ITPRID1: variants seen among roughly 807,000 people sequenced by gnomAD.
ITPRID1 encodes ITPR interacting domain containing 1, also known as protein ITPRID1.
A neutral mutation model predicts 95.4 loss-of-function variants in ITPRID1; 96 were observed. The observed-to-expected ratio is 1.01, with a 90% CI of 0.85 to 1.19. ITPRID1 has a LOEUF of 1.19. ITPRID1 is among the 50% of genes most tolerant of loss of function. The pLI is 0.00. For missense variants in ITPRID1, 1,339 were observed against 1,252.9 expected, an observed-to-expected ratio of 1.07 and a Z score of -1.04; for synonymous variants, 510 against 453.6, an observed-to-expected ratio of 1.12 and a Z score of -1.58.
At chr7:31,604,780 T>C (rs2128161470) in intron 10 of ITPRID1, among the ~76,000 whole-genome samples, 1 of 152,302 alleles carries the variant, frequency 6.6e-6, no homozygotes. Flanking sequence ...ATAGCTTATG[T>C]CAGATAGGAA....
chr7:31,606,159 T>G (rs576719456), intron 10 of ITPRID1, among the ~76,000 whole-genome samples: 1 of 152,324 alleles, frequency 6.6e-6, no homozygotes, highest in Non-Finnish European at 1.5e-5. Context: ...TAATAGATAA[T>G]AGTGTAAATT....
At chr7:31,525,055 C>T (rs559043739) in intron 1 of ITPRID1, among the ~76,000 whole-genome samples, 1 of 152,244 alleles carries the variant, frequency 6.6e-6, no homozygotes, top group South Asian at 2.1e-4. Flanking sequence ...ATTACACATA[C>T]AATCATAAAA....
intron 3 of ITPRID1, 122 bp downstream of exon 3, chr7:31,553,309 T>A (rs924871574): frequency 6.2e-5 from 55 of 881,470 alleles, no homozygotes; most frequent in Non-Finnish European, 8.6e-5. Context: ...TATACCAGTG[T>A]TCCTGGCATG....
At chr7:31,625,117 G>C (rs1057448074) in intron 10 of ITPRID1, among the ~76,000 whole-genome samples, 1 of 152,088 alleles carries the variant, frequency 6.6e-6, no homozygotes, top group African/African-American at 2.4e-5. Flanking sequence ...AAGAAGTCGG[G>C]AAACAACAGG....
chr7:31,610,938 TTAATC>T (rs1350071027), intron 10 of ITPRID1, among the ~76,000 whole-genome samples: 2 of 151,758 alleles, frequency 1.3e-5, no homozygotes, highest in African/African-American at 2.4e-5. Context: ...ATTAGAATGT[TTAATC>T]TATTTAGATT....
Position 31,643,696 on chromosome 7 carries a change from C to A in ITPRID1, c.2326C>A (p.Pro776Thr). The A allele has an allele frequency of 6.2e-7, 1 of 1,614,044 alleles. No homozygotes were observed. ...AAGCAACAAGACCTTGACACATGGG[C>A]CCCAGCCCCTCACCAAATCCGTCTC... The part of the protein sequence containing the change: ...ALSNKTLTHG[P>T]QPLTKSVSLD... Residue 776 changes from proline (P) to threonine (T), a missense_variant, in exon 12 of 15, where the codon CCC becomes ACC. By Grantham distance (38) the Pro-to-Thr change is conservative. Transcript: ENST00000615280.
chr7:31,519,627 T>TCC (rs1562543161), intron 1 of ITPRID1, among the ~76,000 whole-genome samples: 13 of 112,684 alleles, frequency 1.2e-4, no homozygotes, highest in Admixed American at 9.6e-5. Flanking sequence ...TCTCTATATA[T>TCC]ATATATATAT....
In ITPRID1 at chr7:31,616,861, C is replaced by G. The variant is rs142764155; in HGVS notation, c.1229-25315C>G. Among the ~76,000 whole-genome samples the G allele has an allele frequency of 3.2e-3, 488 of 151,550 alleles. 2 individuals carry two copies. Among genetic ancestry groups the G allele is most frequent in the South Asian group, 0.021 (101 of 4,812 alleles). ...TATCAGATATCCAAACCTCTCTTAA[C>G]AGATACCAGATACCCAAACCTCTCT... On this transcript the variant is annotated intron_variant, in intron 10 of 14. Transcript: ENST00000615280.
chr7:31,615,332 T>G (rs1787104469), intron 10 of ITPRID1, among the ~76,000 whole-genome samples: 2 of 152,152 alleles, frequency 1.3e-5, no homozygotes, highest in South Asian at 2.1e-4. Flanking sequence ...TTGGAGGCCC[T>G]CATACCTCAA....
rs1250625793 is a variant in ITPRID1 at position 31,654,519 on chromosome 7, C to T, written c.*1690C>T. Reference sequence around the variant, plus strand: ...CATGCTGGCTGCTTTATGGAGAAAACGCCCCTGGGGGTCTACAGTGAGGCA... The same window carrying T: ...CATGCTGGCTGCTTTATGGAGAAAATGCCCCTGGGGGTCTACAGTGAGGCA... On this transcript the variant is annotated 3_prime_UTR_variant, in exon 15 of 15. Transcript: ENST00000615280. 3.9e-5 allele frequency among the ~76,000 whole-genome samples: 6 copies of T among 152,252 alleles called. No homozygotes were observed. Among genetic ancestry groups the T allele is most frequent in the South Asian group, 4.1e-4 (2 of 4,826 alleles).
intron 10 of ITPRID1, among the ~76,000 whole-genome samples, chr7:31,609,274 G>A (rs1169862692): frequency 6.6e-6 from 1 of 151,322 alleles, no homozygotes; most frequent in Non-Finnish European, 1.5e-5. Flanking sequence ...GGATTTTTCT[G>A]GTAATGTCTT....
intron 2 of ITPRID1, among the ~76,000 whole-genome samples, chr7:31,552,263 C>T (rs1260037921): frequency 1.4e-5 from 2 of 138,944 alleles, no homozygotes; most frequent in Admixed American, 7.3e-5. Flanking sequence ...ATAGCATAGT[C>T]ATGGGAACAT....
chr7:31,628,612 C>T (rs200450406), intron 10 of ITPRID1, among the ~76,000 whole-genome samples: 2 of 152,082 alleles, frequency 1.3e-5, no homozygotes, highest in African/African-American at 4.8e-5. Context: ...CGCCCGCCAC[C>T]ACGCCCCGCT....
At chr7:31,626,074 C>T (rs1209751264) in intron 10 of ITPRID1, among the ~76,000 whole-genome samples, 1 of 152,066 alleles carries the variant, frequency 6.6e-6, no homozygotes, top group African/African-American at 2.4e-5. Context: ...AATCAAAGAA[C>T]AGACAGAAGT....
At chr7:31,618,301 G>T (rs1198272401) in intron 10 of ITPRID1, among the ~76,000 whole-genome samples, 1 of 151,992 alleles carries the variant, frequency 6.6e-6, no homozygotes, top group African/African-American at 2.4e-5. Context: ...AAGTAATTAG[G>T]ACTGTTCATG....
intron 1 of ITPRID1, among the ~76,000 whole-genome samples, chr7:31,548,969 C>G (rs564932339): frequency 2.2e-4 from 34 of 152,156 alleles, no homozygotes; most frequent in African/African-American, 8.2e-4. Flanking sequence ...GGGAACAAGG[C>G]AAGCCTGGAC....
At chr7:31,558,619 T>C (rs941517623) in intron 5 of ITPRID1, among the ~76,000 whole-genome samples, 9 of 152,206 alleles carry the variant, frequency 5.9e-5, no homozygotes, top group South Asian at 2.1e-4. Context: ...TTAGTAATAA[T>C]GTAGTTTGTA....
At chr7:31,612,546 CTT>C (rs1200528476) in intron 10 of ITPRID1, among the ~76,000 whole-genome samples, 1 of 152,100 alleles carries the variant, frequency 6.6e-6, no homozygotes, top group Non-Finnish European at 1.5e-5. Flanking sequence ...CCTGGACTAA[CTT>C]TATAAAACCT....
At chr7:31,572,576 T>C (rs1269455988) in intron 7 of ITPRID1, among the ~76,000 whole-genome samples, 1 of 152,076 alleles carries the variant, frequency 6.6e-6, no homozygotes. Flanking sequence ...ATGAAAACCA[T>C]AAAACATGTA....
Sources: allele counts gnomAD v4.1 joint callset (sites outside exome capture counted in the v4.1 genomes callset), GRCh38; gene constraint gnomAD v4.1.1; transcripts MANE v1.5; gene names NCBI Gene and HGNC (gene_info 2026-07-23, HGNC 2026-07-21).